The following PRDM15 variants were observed in gnomAD, a reference collection of about 807,000 sequenced individuals.
PRDM15 encodes the protein PR domain zinc finger protein 15.
Under a neutral mutation model 128.6 loss-of-function variants are expected in PRDM15, and 64 were observed. That is an observed-to-expected ratio of 0.50 (90% confidence interval 0.41 to 0.61). The LOEUF (loss-of-function observed/expected upper bound fraction) is 0.61. Among genes scored for constraint, PRDM15 ranks in the 20% least tolerant of loss-of-function variants. PRDM15 has a pLI of 0.00. For synonymous variants in PRDM15, 615 were observed against 621.8 expected, an observed-to-expected ratio of 0.99 and a Z score of 0.16; for missense variants, 1,242 against 1,569.1, an observed-to-expected ratio of 0.79 and a Z score of 3.52.
intron 8 of PRDM15, 52 bp from the exon 9 acceptor site, chr21:41,836,701 A>C: frequency 6.6e-7 from 1 of 1,510,002 alleles, no homozygotes; most frequent in Non-Finnish European, 9.1e-7. Context: ...AAAAAGTTCC[A>C]GGTTACAAGC....
chr21:41,860,258 G>A (rs1016215530), intron 2 of PRDM15, 69 bp downstream of exon 2: 122 of 1,243,900 alleles, frequency 9.8e-5, no homozygotes, highest in Middle Eastern at 1.9e-4. Context: ...GACAGCAAGC[G>A]CCACGCCCAT....
intron 10 of PRDM15, 25 bp from the exon 11 acceptor site, chr21:41,835,549 T>A: frequency 6.3e-7 from 1 of 1,593,134 alleles, no homozygotes; most frequent in Non-Finnish European, 8.6e-7. Context: ...ACGCCGTGAG[T>A]GAGATGGCCC....
intron 1 of PRDM15, chr21:41,878,900 G>T: frequency 1.0e-6 from 1 of 954,448 alleles, no homozygotes; most frequent in Non-Finnish European, 1.2e-6. Context: ...CGGCAGCCCC[G>T]CGGCCCCGCG....
At chr21:41,835,973 ACTCTCCTCCCTCCCC>A in intron 10 of PRDM15, 125 bp downstream of exon 10, 1 of 96,552 alleles carries the variant, frequency 1.0e-5, no homozygotes, top group Non-Finnish European at 1.9e-5. Context: ...GCCCCCGCCC[ACTCTCCTCCCTCCCC>A]CACAGCCCCC....
intron 1 of PRDM15, chr21:41,861,964 T>G: frequency 6.2e-7 from 1 of 1,614,014 alleles, no homozygotes. Flanking sequence ...CTAGCAAGTG[T>G]GACTCAGTTT....
chr21:41,817,984 A>G (rs1335573476), intron 18 of PRDM15, among the ~76,000 whole-genome samples: 1 of 152,246 alleles, frequency 6.6e-6, no homozygotes, highest in Non-Finnish European at 1.5e-5. Flanking sequence ...CTCCCAGGGC[A>G]TCTGGTGGCA....
chr21:41,823,225 G>A (rs981861605), intron 14 of PRDM15, 93 bp downstream of exon 14: 2 of 1,495,408 alleles, frequency 1.3e-6, no homozygotes, highest in Non-Finnish European at 1.8e-6. Flanking sequence ...AAGCTGCCCT[G>A]CCCACAGAAC....
At position 41,823,490 on chromosome 21, in the gene PRDM15, C is replaced by T. The variant is rs761700502; in HGVS notation, c.1630-41G>A. ...CGCATGGTGAGGGGCTGCGGCGTCT[C>T]GTGACGGGAAGGAGCCTCTCCATCA... is the stretch of plus-strand genomic sequence containing the variant. On this transcript the variant is annotated intron_variant, in intron 13 of 23. Coordinates refer to ENST00000398548, the MANE Select transcript of PRDM15 (RefSeq NM_001040424.3). 8 of 1,535,668 alleles carry T rather than the reference C, an allele frequency of 5.2e-6. 1 individual carries two copies. The highest frequency in any genetic ancestry group is 3.9e-4 in the Middle Eastern group (2 of 5,098).
At chr21:41,841,342 T>C (rs1253435582) in intron 6 of PRDM15, among the ~76,000 whole-genome samples, 4 of 152,110 alleles carry the variant, frequency 2.6e-5, no homozygotes, top group African/African-American at 9.7e-5. Context: ...ATGGAAGGCA[T>C]AAAGTAGCAT....
intron 1 of PRDM15, among the ~76,000 whole-genome samples, chr21:41,872,957 G>A (rs2064266478): frequency 6.6e-6 from 1 of 152,230 alleles, no homozygotes; most frequent in Non-Finnish European, 1.5e-5. Flanking sequence ...CACGGGTTCT[G>A]TTGCTGGTGG....
Position 41,839,758 on chromosome 21 carries a change from C to T in PRDM15, c.736G>A (p.Gly246Arg). 2 of 1,614,260 alleles carry T rather than the reference C, an allele frequency of 1.2e-6. No individual in the cohort carries two copies. Among genetic ancestry groups the T allele is most frequent in the East Asian group, 2.2e-5 (1 of 44,884 alleles). ...CTCTCGGGCACTGCAGGGGGTTCCC[C>T]CCGGGGTGTGTCCTGCTCCTTCTCG... ...APEKEQDTPR[G>R]EPPAVPESEN... The change falls in exon 7 of 24, where the codon GGG (glycine) becomes AGG (arginine). Residue 246 changes from glycine to arginine, a missense_variant. Gly to Arg is a moderately radical substitution (Grantham distance 125). Coordinates refer to ENST00000398548, the MANE Select transcript of PRDM15 (RefSeq NM_001040424.3).
At chr21:41,848,069 C>T (rs1253325396) in intron 5 of PRDM15, among the ~76,000 whole-genome samples, 2 of 152,202 alleles carry the variant, frequency 1.3e-5, no homozygotes, top group Admixed American at 6.5e-5. Context: ...AGGGCAGGAC[C>T]CCTGCCCATC....
At chr21:41,857,385 T>G in intron 3 of PRDM15, 56 bp from the exon 4 acceptor site, 10 of 1,584,550 alleles carry the variant, frequency 6.3e-6, no homozygotes, top group Non-Finnish European at 8.6e-6. Flanking sequence ...AGGGACCGAC[T>G]CGTTAAGATA....
rs545111204 is a variant in PRDM15, at chr21:41,865,735, T to C, written c.-9-5363A>G. ...TGTCATGCACATGGTCTGTTTTTTCTACTAGATTTATTTTCTTTCATTTTA... is the reference window on the plus strand; with the variant it reads ...TGTCATGCACATGGTCTGTTTTTTCCACTAGATTTATTTTCTTTCATTTTA... On this transcript the variant is annotated intron_variant, in intron 1 of 23. Coordinates refer to ENST00000398548, the MANE Select transcript of PRDM15 (RefSeq NM_001040424.3). Among the ~76,000 whole-genome samples, 229 of 152,342 alleles carry C rather than the reference T, an allele frequency of 1.5e-3. 3 individuals are homozygous for C. The highest frequency in any genetic ancestry group is 5.3e-3 in the African/African-American group (219 of 41,576).
intron 21 of PRDM15, chr21:41,804,860 C>A (rs34506941): frequency 0.021 from 7,851 of 370,766 alleles, 128 homozygotes; most frequent in Non-Finnish European, 0.029. Context: ...ATCTCACGTC[C>A]ACTCCCCCAG....
rs1359652691 is a variant in PRDM15, at chr21:41,839,737, C to T, written c.757G>A (p.Glu253Lys). The T allele has an allele frequency of 7.4e-6, 12 of 1,614,258 alleles. No individual in the cohort carries two copies. The highest frequency in any genetic ancestry group is 3.3e-4 in the Middle Eastern group (2 of 6,062). The change falls in exon 7 of 24, where the codon GAG becomes AAG. Residue 253 changes from glutamate (E) to lysine (K), a missense_variant. By Grantham distance (56) the Glu-to-Lys change is moderately conservative. Around this residue, in one of 3 missense-constraint regions of PRDM15, gnomAD observed 612 missense variants for 717.0 expected, o/e 0.85. Coordinates refer to ENST00000398548, the MANE Select transcript of PRDM15 (RefSeq NM_001040424.3). Reference sequence around the variant, plus strand: ...TCTTTGGTGGCAACATTCTCGCTCTCGGGCACTGCAGGGGGTTCCCCCCGG... The same window carrying T: ...TCTTTGGTGGCAACATTCTCGCTCTTGGGCACTGCAGGGGGTTCCCCCCGG... Reference protein sequence around the residue: ...TPRGEPPAVPESENVATKEQK... With the variant: ...TPRGEPPAVPKSENVATKEQK...
chr21:41,819,782 G>A (rs963756961), intron 17 of PRDM15, 81 bp from the exon 18 acceptor site: 2 of 1,513,214 alleles, frequency 1.3e-6, no homozygotes, highest in Non-Finnish European at 1.8e-6. Flanking sequence ...CAAGGAGAGG[G>A]GCCCAGCCTC....
At chr21:41,843,950 T>TAAAAAAAAAA (rs1555883669) in intron 6 of PRDM15, among the ~76,000 whole-genome samples, 1 of 123,294 alleles carries the variant, frequency 8.1e-6, no homozygotes. Context: ...CCTTGTATTG[T>TAAAAAAAAAA]AAAAAAAAAA....
In PRDM15 at chr21:41,828,481, G is replaced by T; in HGVS notation, c.1367-148C>A. 1 of 787,598 alleles carries T rather than the reference G, an allele frequency of 1.3e-6. No individual in the cohort carries two copies. Among genetic ancestry groups the T allele is most frequent in the Non-Finnish European group, 2.2e-6 (1 of 460,712 alleles). The allele number at this position is 787,598 out of a possible 1,614,324, so 48.8% of individuals were successfully genotyped here. ...TGGCCAGGAAGAAAACAGCACCTGT[G>T]TGTCATACACTGTCTACCCCAGGAA... On this transcript the variant is annotated intron_variant, in intron 11 of 23. Transcript: ENST00000398548. The surrounding 1 kb of genome is among the most constrained non-coding windows in gnomAD (Gnocchi z 5.7).
Sources: gnomAD v4.1 joint callset for allele counts (sites outside exome capture counted in the v4.1 genomes callset) on GRCh38, gnomAD v4.1.1 for gene constraint, gnomAD v4.1.1 regional missense constraint, Gnocchi (gnomAD v3.1) non-coding constraint, MANE v1.5 for transcripts, NCBI Gene and HGNC (gene_info 2026-07-23, HGNC 2026-07-21) for gene names.